ZC2HC1B: variants seen among roughly 807,000 people sequenced by gnomAD.
ZC2HC1B encodes the protein zinc finger C2HC-type containing 1B, also known as zinc finger C2HC domain-containing protein 1B.
ZC2HC1B carries 36 observed loss-of-function variants against 31.0 expected under a neutral mutation model. The ratio of observed to expected loss-of-function variants is 1.16; its 90% CI spans 0.89 to 1.54. The LOEUF is 1.54. Among genes scored for constraint, ZC2HC1B ranks in the 40% most tolerant of loss-of-function variants. The pLI, the probability that ZC2HC1B is intolerant of heterozygous loss-of-function variation, is 0.00. For missense variants in ZC2HC1B, 260 were observed against 268.6 expected, an observed-to-expected ratio of 0.97 and a Z score of 0.22; for synonymous variants, 73 against 88.0, an observed-to-expected ratio of 0.83 and a Z score of 0.95.
Position 143,886,065 on chromosome 6 carries a change from A to C in ZC2HC1B, c.124A>C (p.Asn42His), listed in dbSNP as rs1310440140. 1 of 1,546,504 alleles carries C rather than the reference A, an allele frequency of 6.5e-7. No individual in the cohort carries two copies. The highest frequency in any genetic ancestry group is 8.7e-7 in the Non-Finnish European group (1 of 1,145,454). ...TGGACCAATATGTAAGAAACTCTTC[A>C]ACAGAAAGCGTAAACCTTTCAGTTC... ...RHGPICKKLFNRKRKPFSSLK... is the reference protein window; with the variant it reads ...RHGPICKKLFHRKRKPFSSLK... The change falls in exon 3 of 8, where the codon AAC (asparagine) becomes CAC (histidine). Residue 42 changes from asparagine (N) to histidine (H), a missense_variant. Physicochemically the swap from Asn to His is moderately conservative, Grantham distance 68. Transcript: ENST00000237275. This position sits in a 1 kb window ranked among gnomAD's most constrained non-coding sequence, Gnocchi z 4.2.
chr6:143,883,831 A>T lies in ZC2HC1B; in HGVS notation c.29-473A>T, dbSNP rs183249560. Among the ~76,000 whole-genome samples, 526 of 152,302 alleles carry T rather than the reference A, an allele frequency of 3.5e-3. 4 individuals are homozygous for T. The highest frequency in any genetic ancestry group is 0.012 in the South Asian group (57 of 4,828). Reference sequence around the variant, plus strand: ...TAGAAATTCAATTCTTGCTTGGCCCATGCATTCAACCAATACCTTGAGTAC... The same window carrying T: ...TAGAAATTCAATTCTTGCTTGGCCCTTGCATTCAACCAATACCTTGAGTAC... On this transcript the variant is annotated intron_variant, in intron 1 of 7. Transcript: ENST00000237275. This position sits in a 1 kb window ranked among gnomAD's most constrained non-coding sequence, Gnocchi z 4.1.
In ZC2HC1B at chr6:143,886,632, A is replaced by G. The variant is rs1189656139; in HGVS notation, c.211-51A>G. 6.4e-6 allele frequency: 9 copies of G among 1,395,722 alleles called. No homozygotes were observed. The highest frequency in any genetic ancestry group is 3.4e-5 in the Admixed American group (1 of 29,488). The allele number at this position is 1,395,722 out of a possible 1,614,324, so 86.5% of individuals were successfully genotyped here. Reference sequence around the variant, plus strand: ...AATTCCAGCTTTAAACAAAATTGTAATGGAGAGGTATATAGTCTAGGGTAT... The same window carrying G: ...AATTCCAGCTTTAAACAAAATTGTAGTGGAGAGGTATATAGTCTAGGGTAT... On this transcript the variant is annotated intron_variant, in intron 3 of 7. Transcript: ENST00000237275. This position sits in a 1 kb window ranked among gnomAD's most constrained non-coding sequence, Gnocchi z 4.2.
rs1023651934 is a variant in ZC2HC1B, at chr6:143,887,701, T to C, written c.349+880T>C. On this transcript the variant is annotated intron_variant, in intron 4 of 7. Transcript: ENST00000237275. The surrounding 1 kb of genome is among the most constrained non-coding windows in gnomAD (Gnocchi z 5.1). ...TATTTCTCCACTTATTTAGTCATAT[T>C]GTTAAATTTTTTCCTCTATCTCATC... 2.0e-5 allele frequency among the ~76,000 whole-genome samples: 3 copies of C among 152,092 alleles called. No homozygotes were observed. The highest frequency in any genetic ancestry group is 4.4e-5 in the Non-Finnish European group (3 of 67,998).
rs1777526723 is a variant in ZC2HC1B, at chr6:143,885,975, G to T, written c.91-57G>T. 6.9e-7 allele frequency: 1 copy of T among 1,454,134 alleles called. No homozygotes were observed. The highest frequency in any genetic ancestry group is 1.4e-5 in the African/African-American group (1 of 69,654). The allele number at this position is 1,454,134 out of a possible 1,614,324, so 90.1% of individuals were successfully genotyped here. On this transcript the variant is annotated intron_variant, in intron 2 of 7. Transcript: ENST00000237275. This position sits in a 1 kb window ranked among gnomAD's most constrained non-coding sequence, Gnocchi z 4.2. ...GTGGGGGCTGTCTAGGTACACCTAG[G>T]CATTAAAAACTGATTGTGCACTTTA...
At chr6:143,936,584 T>C (rs1416898556) in intron 6 of ZC2HC1B, among the ~76,000 whole-genome samples, 2 of 152,236 alleles carry the variant, frequency 1.3e-5, no homozygotes, top group African/African-American at 4.8e-5. Flanking sequence ...TGGAGGCTTT[T>C]GTTATATGAA....
At chr6:143,878,455 G>A (rs147983146) in intron 1 of ZC2HC1B, among the ~76,000 whole-genome samples, 2 of 150,726 alleles carry the variant, frequency 1.3e-5, no homozygotes, top group Non-Finnish European at 3.0e-5. Context: ...TCCAGCCTGG[G>A]TGACAGAGCA....
At chr6:143,897,629 T>G (rs1332149013) in intron 4 of ZC2HC1B, among the ~76,000 whole-genome samples, 1 of 152,006 alleles carries the variant, frequency 6.6e-6, no homozygotes, top group African/African-American at 2.4e-5. Context: ...TTTCTGTTTT[T>G]TGAGTCCTCA....
At chr6:143,935,296 G>A (rs1234295357) in intron 6 of ZC2HC1B, among the ~76,000 whole-genome samples, 2 of 152,160 alleles carry the variant, frequency 1.3e-5, no homozygotes, top group Non-Finnish European at 2.9e-5. Context: ...CCCCAACAAT[G>A]CACAGAAGCA....
In ZC2HC1B at chr6:143,886,894, T is replaced by C; in HGVS notation, c.349+73T>C. ...CCAAATCATCATGCCCTCTATGCAC[T>C]CTGAAATTGACAATAACAATTACAT... On this transcript the variant is annotated intron_variant, in intron 4 of 7. Transcript: ENST00000237275. This position sits in a 1 kb window ranked among gnomAD's most constrained non-coding sequence, Gnocchi z 4.2. 7.9e-7 allele frequency: 1 copy of C among 1,269,100 alleles called. No individual in the cohort carries two copies. 78.6% of individuals were successfully genotyped at this position (1,269,100 alleles called of 1,614,324 possible).
chr6:143,909,551 G>A (rs1386561292), intron 6 of ZC2HC1B, among the ~76,000 whole-genome samples: 13 of 136,014 alleles, frequency 9.6e-5, no homozygotes, highest in African/African-American at 2.6e-4. Context: ...TTTTTTTCCC[G>A]GCTGGTAGGC....
chr6:143,903,250 C>T lies in ZC2HC1B; in HGVS notation c.598+98C>T, dbSNP rs969815819. 1 of 1,061,378 alleles carries T rather than the reference C, an allele frequency of 9.4e-7. No homozygotes were observed. Among genetic ancestry groups the T allele is most frequent in the Admixed American group, 2.2e-5 (1 of 46,140 alleles). The allele number at this position is 1,061,378 out of a possible 1,614,324, so 65.7% of individuals were successfully genotyped here. A position where few individuals can be genotyped will look rare whatever the true frequency, so the allele number is the denominator to read the frequency against. Reference sequence around the variant, plus strand: ...CTGGTAGTCTGCAAAAGCTCTAAGACATTCACTGTTGCTTTTGGATGCAAA... The same window carrying T: ...CTGGTAGTCTGCAAAAGCTCTAAGATATTCACTGTTGCTTTTGGATGCAAA... On this transcript the variant is annotated intron_variant, in intron 6 of 7. Transcript: ENST00000237275. The surrounding 1 kb of genome is among the most constrained non-coding windows in gnomAD (Gnocchi z 4.3).
In ZC2HC1B at chr6:143,915,972, T is replaced by C. The variant is rs928676883; in HGVS notation, c.598+12820T>C. Among the ~76,000 whole-genome samples the C allele has an allele frequency of 1.3e-5, 2 of 152,192 alleles. No homozygotes were observed. Among genetic ancestry groups the C allele is most frequent in the African/African-American group, 2.4e-5 (1 of 41,442 alleles). On this transcript the variant is annotated intron_variant, in intron 6 of 7. Transcript: ENST00000237275. This position sits in a 1 kb window ranked among gnomAD's most constrained non-coding sequence, Gnocchi z 5.2. ...TGGCTGCAGAAATTTGTATAGGTAA[T>C]GAGGAGCTGAATGTTAGTCCCCAAG...
chr6:143,925,165 CTTTTTTTTTTTTTTTT>C (rs71024879), intron 6 of ZC2HC1B, among the ~76,000 whole-genome samples: 5 of 104,184 alleles, frequency 4.8e-5, no homozygotes, highest in Admixed American at 9.7e-5. Context: ...AATCTCATTC[CTTTTTTTTTTTTTTTT>C]TTTTTTTTTT....
Position 143,886,761 on chromosome 6 carries a change from A to G in ZC2HC1B, c.289A>G (p.Met97Val), listed in dbSNP as rs1001357736. Reference sequence around the variant, plus strand: ...TGCAATCCGATCAGCAAAGCAGTGTATGCTAGCCATTAAAGAAGGCCGACC... The same window carrying G: ...TGCAATCCGATCAGCAAAGCAGTGTGTGCTAGCCATTAAAGAAGGCCGACC... ...INAIRSAKQC[M>V]LAIKEGRPLP... Residue 97 changes from methionine (M) to valine (V), a missense_variant, in exon 4 of 8, where the codon ATG becomes GTG. Met to Val is a conservative substitution (Grantham distance 21, BLOSUM62 1). Transcript: ENST00000237275. This position sits in a 1 kb window ranked among gnomAD's most constrained non-coding sequence, Gnocchi z 4.2. The G allele has an allele frequency of 1.9e-6, 3 of 1,549,680 alleles. No homozygotes were observed. Among genetic ancestry groups the G allele is most frequent in the African/African-American group, 2.7e-5 (2 of 72,866 alleles).
Position 143,903,627 on chromosome 6 carries a change from A to T in ZC2HC1B, c.598+475A>T, listed in dbSNP as rs1378665593. Among the ~76,000 whole-genome samples, 4 of 152,224 alleles carry T rather than the reference A, an allele frequency of 2.6e-5. No individual in the cohort carries two copies. The highest frequency in any genetic ancestry group is 5.9e-5 in the Non-Finnish European group (4 of 68,046). ...TGTAAAGTTGAAAAATCTTATGTCA[A>T]ACTAACATAAGTCAAGAATTTCTGT... is the stretch of plus-strand genomic sequence containing the variant. On this transcript the variant is annotated intron_variant, in intron 6 of 7. Transcript: ENST00000237275. This position sits in a 1 kb window ranked among gnomAD's most constrained non-coding sequence, Gnocchi z 4.3.
At chr6:143,935,399 T>G (rs949080390) in intron 6 of ZC2HC1B, among the ~76,000 whole-genome samples, 1 of 151,994 alleles carries the variant, frequency 6.6e-6, no homozygotes, top group African/African-American at 2.4e-5. Flanking sequence ...CTGCTCAATC[T>G]CCAGGCTCCC....
chr6:143,884,443 A>C lies in ZC2HC1B; in HGVS notation c.90+78A>C. The C allele has an allele frequency of 7.4e-7, 1 of 1,346,690 alleles. No homozygotes were observed. The highest frequency in any genetic ancestry group is 1.0e-6 in the Non-Finnish European group (1 of 982,910). The allele number at this position is 1,346,690 out of a possible 1,614,324, so 83.4% of individuals were successfully genotyped here. ...CAAGTCAGTGAGGAGGCGGCAGTGC[A>C]AAGATTAAAGACAGATGTGGAGGGG... is the stretch of plus-strand genomic sequence containing the variant. On this transcript the variant is annotated intron_variant, in intron 2 of 7. Transcript: ENST00000237275. The surrounding 1 kb of genome is among the most constrained non-coding windows in gnomAD (Gnocchi z 5.1).
intron 1 of ZC2HC1B, among the ~76,000 whole-genome samples, chr6:143,881,138 T>G: frequency 6.6e-6 from 1 of 152,168 alleles, no homozygotes; most frequent in East Asian, 1.9e-4. Context: ...GTCCTATCTC[T>G]CTAATTTTTG....
rs1240347936 is a variant in ZC2HC1B, at chr6:143,871,207, AGT to A, written c.28+6645_28+6646del. On this transcript the variant is annotated intron_variant, in intron 1 of 7. Transcript: ENST00000237275. This position sits in a 1 kb window ranked among gnomAD's most constrained non-coding sequence, Gnocchi z 4.1. ...ACGCAAATATCTCACCAATAAGTCC[AGT>A]GTGTTTACTACTTCTTGCTCACTGG... Among the ~76,000 whole-genome samples, 1 of 152,182 alleles carries A rather than the reference AGT, an allele frequency of 6.6e-6. No individual in the cohort carries two copies. Among genetic ancestry groups the A allele is most frequent in the African/African-American group, 2.4e-5 (1 of 41,450 alleles).
Sources: gnomAD v4.1 joint callset for allele counts (sites outside exome capture counted in the v4.1 genomes callset) on GRCh38, gnomAD v4.1.1 for gene constraint, Gnocchi (gnomAD v3.1) non-coding constraint, MANE v1.5 for transcripts, NCBI Gene and HGNC (gene_info 2026-07-23, HGNC 2026-07-21) for gene names.